Variants in AIDA observed in about 807,000 individuals in gnomAD.
AIDA encodes axin interactor, dorsalization associated.
A neutral mutation model predicts 42.7 loss-of-function variants in AIDA; 18 were observed. The observed-to-expected ratio is 0.42, with a 90% CI of 0.29 to 0.63. The LOEUF (loss-of-function observed/expected upper bound fraction) is 0.63, where lower values mean the gene tolerates loss of function less well. Ranked by LOEUF, AIDA falls within the 20% of genes least tolerant of loss-of-function variation. The probability of loss-of-function intolerance (pLI) is 0.19; values close to 1 mark genes in which losing one functional copy is unlikely to be tolerated. For synonymous variants in AIDA, 104 were observed against 122.9 expected, an observed-to-expected ratio of 0.85 and a Z score of 1.02; for missense variants, 250 against 354.1, an observed-to-expected ratio of 0.71 and a Z score of 2.36.
intron 1 of AIDA, among the ~76,000 whole-genome samples, chr1:222,707,742 G>T (rs1030447447): frequency 2.0e-5 from 3 of 152,172 alleles, no homozygotes; most frequent in Non-Finnish European, 2.9e-5. Context: ...ACATACACAA[G>T]TAACTCCTGG....
At chr1:222,691,808 A>G (rs1196119832) in intron 4 of AIDA, among the ~76,000 whole-genome samples, 1 of 151,610 alleles carries the variant, frequency 6.6e-6, no homozygotes, top group Admixed American at 6.6e-5. Context: ...GGGGGAAAAA[A>G]TCAACCTTTA....
intron 4 of AIDA, among the ~76,000 whole-genome samples, chr1:222,690,941 A>C (rs566140024): frequency 6.6e-6 from 1 of 152,188 alleles, no homozygotes; most frequent in Admixed American, 6.5e-5. Context: ...AAAGACAGAG[A>C]GTCTTTGCCC....
At chr1:222,711,988 A>G (rs1571948995) in intron 1 of AIDA, 1 of 596,778 alleles carries the variant, frequency 1.7e-6, no homozygotes, top group Non-Finnish European at 2.9e-6. Context: ...GTCCCTGCGG[A>G]GGCGGAGAGG....
At chr1:222,673,497 C>T in intron 7 of AIDA, 62 bp from the exon 8 acceptor site, 2 of 1,417,362 alleles carry the variant, frequency 1.4e-6, no homozygotes, top group South Asian at 3.3e-5. Context: ...AAACTGCAGG[C>T]CAGGCACGGT....
intron 7 of AIDA, among the ~76,000 whole-genome samples, chr1:222,674,443 C>T (rs1179304537): frequency 6.6e-6 from 1 of 152,070 alleles, no homozygotes; most frequent in East Asian, 1.9e-4. Flanking sequence ...AATAATATGC[C>T]TCAATGGGAC....
At chr1:222,678,333 T>A (rs1484310998) in intron 6 of AIDA, among the ~76,000 whole-genome samples, 1 of 152,046 alleles carries the variant, frequency 6.6e-6, no homozygotes, top group African/African-American at 2.4e-5. Flanking sequence ...ATATTAGTCG[T>A]TTGTCATTTT....
intron 4 of AIDA, 40 bp from the exon 5 acceptor site, chr1:222,687,698 A>G: frequency 2.2e-6 from 3 of 1,347,758 alleles, no homozygotes; most frequent in Middle Eastern, 5.5e-4. Context: ...TCTTCCATGA[A>G]GCAAAATCAA....
At chr1:222,686,883 C>G (rs1229044084) in intron 6 of AIDA, 47 bp downstream of exon 6, 4 of 1,580,250 alleles carry the variant, frequency 2.5e-6, no homozygotes, top group Non-Finnish European at 3.4e-6. Flanking sequence ...AACACCCTGA[C>G]TCTGGTTGCA....
chr1:222,674,632 T>C (rs893972421), intron 7 of AIDA, among the ~76,000 whole-genome samples: 2 of 152,374 alleles, frequency 1.3e-5, no homozygotes, highest in African/African-American at 2.4e-5. Context: ...ATTCTCATTA[T>C]ATTTGTTGTA....
In AIDA at chr1:222,712,208, A is replaced by G; in HGVS notation, c.110T>C (p.Ile37Thr). ...QLVEAIDEYQ[I>T]LARHLQKEAQ... ...CCTGCTCCCGCGGTTAGTCACTCAC[A>G]TCTGATACTCGTCTATCGCCTCCAC... Residue 37 changes from isoleucine to threonine, a missense_variant and splice_region_variant, in exon 1 of 10, where the codon ATA becomes ACA. Physicochemically the swap from Ile to Thr is moderately conservative, Grantham distance 89 (BLOSUM62 -1). Transcript: ENST00000340020. The G allele has an allele frequency of 6.2e-7, 1 of 1,600,268 alleles. No homozygotes were observed. Among genetic ancestry groups the G allele is most frequent in the Non-Finnish European group, 8.5e-7 (1 of 1,172,896 alleles).
chr1:222,703,705 T>C lies in AIDA; in HGVS notation c.111-488A>G, dbSNP rs1306846502. Among the ~76,000 whole-genome samples, 7 of 152,300 alleles carry C rather than the reference T, an allele frequency of 4.6e-5. No homozygotes were observed. The East Asian group carries it at 1.3e-3, about 29-fold the overall frequency. On this transcript the variant is annotated intron_variant, in intron 1 of 9. Coordinates refer to ENST00000340020, the MANE Select transcript of AIDA (RefSeq NM_022831.4). ...ATCCATCCTACTATCAATATATACT[T>C]TTGAAAACATGTTTTCATGGAAAAT...
chr1:222,708,943 T>C (rs1435269836), intron 1 of AIDA, among the ~76,000 whole-genome samples: 2 of 152,178 alleles, frequency 1.3e-5, no homozygotes, highest in Non-Finnish European at 2.9e-5. Flanking sequence ...ATCCATTCAA[T>C]AGAATAATTA....
chr1:222,689,520 T>TATATATATATACAC (rs765351898), intron 4 of AIDA, among the ~76,000 whole-genome samples: 18 of 58,090 alleles, frequency 3.1e-4, no homozygotes, highest in South Asian at 6.0e-4. Context: ...TATATATATA[T>TATATATATATACAC]ACACACATAC....
intron 3 of AIDA, 144 bp from the exon 4 acceptor site, chr1:222,693,987 GT>G (rs1655447694): frequency 1.1e-6 from 1 of 885,500 alleles, no homozygotes; most frequent in Non-Finnish European, 1.7e-6. Context: ...ACTGGTTTTT[GT>G]TTATTTTTGG....
rs78054477 is a variant in AIDA at position 222,695,967 on chromosome 1, A to C, written c.181-1704T>G. Among the ~76,000 whole-genome samples the C allele has an allele frequency of 1.5e-3, 226 of 152,348 alleles. 6 individuals are homozygous for C. The South Asian group carries it at 0.021, about 14-fold the overall frequency. On this transcript the variant is annotated intron_variant, in intron 2 of 9. Coordinates refer to ENST00000340020, the MANE Select transcript of AIDA (RefSeq NM_022831.4). The stretch of plus-strand genomic sequence containing the variant: ...CCTGGCCCCTAGCACTTATGCAACT[A>C]CCACATCTACAATAAACGGCGATAC...
intron 1 of AIDA, among the ~76,000 whole-genome samples, chr1:222,708,419 G>C (rs572832109): frequency 1.3e-5 from 2 of 151,698 alleles, no homozygotes; most frequent in East Asian, 3.9e-4. Context: ...CCAGGCTGGA[G>C]TGCAGTGGCA....
At chr1:222,683,860 A>C (rs966731245) in intron 6 of AIDA, among the ~76,000 whole-genome samples, 4 of 152,224 alleles carry the variant, frequency 2.6e-5, no homozygotes, top group African/African-American at 9.6e-5. Context: ...AAAAAATTTA[A>C]ATATTTTGAA....
Position 222,687,507 on chromosome 1 carries a change from A to G in AIDA, c.353+88T>C, listed in dbSNP as rs1255336671. 6 of 1,137,728 alleles carry G rather than the reference A, an allele frequency of 5.3e-6. No individual in the cohort carries two copies. In the African/African-American group the frequency reaches 9.6e-5, roughly 18 times the overall value. The allele number at this position is 1,137,728 out of a possible 1,614,324, so 70.5% of individuals were successfully genotyped here. The stretch of plus-strand genomic sequence containing the variant: ...TGTTGATGTCAATGATATCAATAAT[A>G]CCAAAGTTGATATTTAAGAAAACCC... On this transcript the variant is annotated intron_variant, in intron 5 of 9. Transcript: ENST00000340020.
Position 222,669,666 on chromosome 1 carries a change from A to G in AIDA, c.*227T>C, listed in dbSNP as rs996188546. 2.1e-6 allele frequency: 1 copy of G among 473,832 alleles called. No individual in the cohort carries two copies. Among genetic ancestry groups the G allele is most frequent in the African/African-American group, 2.0e-5 (1 of 49,964 alleles). 29.4% of individuals were successfully genotyped at this position (473,832 alleles called of 1,614,324 possible). Reference sequence around the variant, plus strand: ...GCACAATTAATAGAAAAGTAAAAACATGTTTCAAAATCTACAATAAACCTG... The same window carrying G: ...GCACAATTAATAGAAAAGTAAAAACGTGTTTCAAAATCTACAATAAACCTG... On this transcript the variant is annotated 3_prime_UTR_variant, in exon 10 of 10. Transcript: ENST00000340020.
Sources: gnomAD v4.1 joint callset for allele counts (sites outside exome capture counted in the v4.1 genomes callset) on GRCh38, gnomAD v4.1.1 for gene constraint, MANE v1.5 for transcripts, NCBI Gene and HGNC (gene_info 2026-07-23, HGNC 2026-07-21) for gene names.